Variants in KLHL15 observed in about 807,000 individuals in gnomAD.
KLHL15 encodes the protein kelch like family member 15.
A neutral mutation model predicts 29.3 loss-of-function variants in KLHL15; 1 was observed. The ratio of observed to expected loss-of-function variants is 0.03; its 90% CI spans 0.01 to 0.16. The LOEUF is 0.16. Among genes scored for constraint, KLHL15 ranks in the 10% least tolerant of loss-of-function variants. The probability of loss-of-function intolerance (pLI) is 1.00; values close to 1 mark genes in which losing one functional copy is unlikely to be tolerated. For missense variants in KLHL15, 215 were observed against 478.5 expected, an observed-to-expected ratio of 0.45 and a Z score of 5.14; for synonymous variants, 212 against 184.5, an observed-to-expected ratio of 1.15 and a Z score of -1.21.
At chrX:23,999,950 A>G (rs1343819800) in intron 3 of KLHL15, among the ~76,000 whole-genome samples, 1 of 112,195 alleles carries the variant, frequency 8.9e-6, no homozygotes, top group Non-Finnish European at 1.9e-5. Context: ...CCGATGCAGA[A>G]AAAGACATTA....
chrX:24,010,466 T>C (rs1357336725), intron 2 of KLHL15, among the ~76,000 whole-genome samples: 1 of 112,483 alleles, frequency 8.9e-6, no homozygotes, highest in African/African-American at 3.2e-5. Flanking sequence ...AGGCATTCCC[T>C]GCTGGTATAA....
rs1043087831 is a variant in KLHL15 at position 23,984,443 on chromosome X, T to C, written c.*3478A>G. ...AATACAAAAACAAAAATCAAAAATG[T>C]ATAACAGGCAAACAAGAAAACTGGC... On this transcript the variant is annotated 3_prime_UTR_variant, in exon 4 of 4. Transcript: ENST00000328046. 2.7e-5 allele frequency: 3 copies of C among 112,210 alleles called. No homozygotes were observed. The highest frequency in any genetic ancestry group is 5.6e-5 in the Non-Finnish European group (3 of 53,164). The allele number at this position is 112,210 out of a possible 1,213,427, so 9.2% of individuals were successfully genotyped here.
intron 2 of KLHL15, among the ~76,000 whole-genome samples, chrX:24,017,431 A>T (rs1929710353): frequency 9.1e-6 from 1 of 109,694 alleles, no homozygotes; most frequent in Admixed American, 9.9e-5. Context: ...GAGAACCCTC[A>T]GTCTCCCCTC....
In KLHL15 at chrX:23,988,527, G is replaced by A. The variant is rs762860101; in HGVS notation, c.1209C>T (p.Asn403=). ...FYSTERYDIT[N]DKWEFVDPYP... is the part of the protein sequence containing the mutation. ...AAGGATCCACAAATTCCCATTTATC[G>A]TTGGTGATGTCATATCTCTCAGTTG... The change falls in exon 4 of 4, where the codon AAC becomes AAT. Residue 403 remains asparagine (N), a synonymous_variant. Coordinates refer to ENST00000328046, the MANE Select transcript of KLHL15 (RefSeq NM_030624.3). The A allele has an allele frequency of 4.7e-5, 57 of 1,209,760 alleles. No individual in the cohort carries two copies. Among genetic ancestry groups the A allele is most frequent in the Non-Finnish European group, 5.9e-5 (53 of 895,125 alleles).
chrX:24,010,604 T>G (rs1383838241), intron 2 of KLHL15, among the ~76,000 whole-genome samples: 3 of 112,059 alleles, frequency 2.7e-5, no homozygotes, highest in African/African-American at 9.7e-5. Context: ...GTTGCAGCTA[T>G]TTTCTAGAAC....
chrX:24,025,718 C>CG (rs1251692243), intron 1 of KLHL15, among the ~76,000 whole-genome samples: 5 of 15,713 alleles, frequency 3.2e-4, no homozygotes, highest in African/African-American at 7.9e-4. Flanking sequence ...GGTGTGGGAA[C>CG]GGGGGGGAAG....
chrX:23,984,580 G>C lies in KLHL15; in HGVS notation c.*3341C>G, dbSNP rs764621043. 3 of 112,355 alleles carry C rather than the reference G, an allele frequency of 2.7e-5. No homozygotes were observed. The South Asian group carries it at 1.1e-3, about 41-fold the overall frequency. The allele number at this position is 112,355 out of a possible 1,213,427, so 9.3% of individuals were successfully genotyped here. On this transcript the variant is annotated 3_prime_UTR_variant, in exon 4 of 4. Coordinates refer to ENST00000328046, the MANE Select transcript of KLHL15 (RefSeq NM_030624.3). ...AAATTATGAATTCTCAAAAGAGCTA[G>C]TCTCCTCTGAGAGATAGCTTATAAA...
intron 3 of KLHL15, among the ~76,000 whole-genome samples, chrX:24,004,789 C>CAAA (rs11288965): frequency 2.8e-4 from 18 of 65,212 alleles, no homozygotes; most frequent in African/African-American, 9.1e-4. Context: ...GACTCTGTCT[C>CAAA]AAAAAAAAAA....
chrX:24,021,243 C>T (rs1280947899), intron 2 of KLHL15, among the ~76,000 whole-genome samples: 1 of 111,204 alleles, frequency 9.0e-6, no homozygotes, highest in East Asian at 2.8e-4. Context: ...TCCCTTGGTG[C>T]CGCTGTTCCT....
chrX:24,018,037 C>T (rs965651282), intron 2 of KLHL15, among the ~76,000 whole-genome samples: 1 of 110,853 alleles, frequency 9.0e-6, no homozygotes, highest in Non-Finnish European at 1.9e-5. Flanking sequence ...GTGAGGATGT[C>T]GAGGCTGCAG....
chrX:23,995,732 C>T (rs1283514551), intron 3 of KLHL15, among the ~76,000 whole-genome samples: 1 of 104,353 alleles, frequency 9.6e-6, no homozygotes, highest in Admixed American at 1.0e-4. Context: ...GCCTAGCCAG[C>T]CAATTTAAGA....
chrX:24,016,370 G>GAAAAAAAAAAA (rs1929685318), intron 2 of KLHL15, among the ~76,000 whole-genome samples: 1 of 78,758 alleles, frequency 1.3e-5, no homozygotes, highest in African/African-American at 6.4e-5. Flanking sequence ...AAAAAAAAAG[G>GAAAAAAAAAAA]GGGGGTATAC....
chrX:23,990,213 G>C (rs182196695), intron 3 of KLHL15, among the ~76,000 whole-genome samples: 1 of 111,555 alleles, frequency 9.0e-6, no homozygotes, highest in Non-Finnish European at 1.9e-5. Context: ...AAAAATAAGC[G>C]TAAGATGTGA....
intron 3 of KLHL15, among the ~76,000 whole-genome samples, chrX:23,993,326 G>A (rs377157242): frequency 1.2e-4 from 13 of 111,302 alleles, no homozygotes; most frequent in African/African-American, 3.6e-4. Context: ...GCCTGAGGTA[G>A]ATCCTGTATT....
At chrX:24,007,185 C>T (rs976618774) in intron 2 of KLHL15, among the ~76,000 whole-genome samples, 3 of 109,776 alleles carry the variant, frequency 2.7e-5, no homozygotes, top group African/African-American at 1.0e-4. Context: ...CAGAGCACGA[C>T]CCTATCTCTT....
intron 3 of KLHL15, among the ~76,000 whole-genome samples, chrX:23,990,844 C>A (rs1193571949): frequency 9.1e-6 from 1 of 110,455 alleles, no homozygotes; most frequent in African/African-American, 3.3e-5. Flanking sequence ...TAATTCCTTG[C>A]CTTAGTCCAA....
intron 2 of KLHL15, among the ~76,000 whole-genome samples, chrX:24,009,913 C>T (rs12687713): frequency 0.088 from 9,014 of 101,891 alleles, 539 homozygotes; most frequent in African/African-American, 0.2. Context: ...TCGCTGGAAC[C>T]TGGGAGACGG....
rs1367663262 is a variant in KLHL15 at position 24,025,078 on chromosome X, T to A, written c.-209-20A>T. On this transcript the variant is annotated intron_variant, in intron 1 of 3. Coordinates refer to ENST00000328046, the MANE Select transcript of KLHL15 (RefSeq NM_030624.3). ...TAAGTCCTGGGAAAGAAGACAGCGC[T>A]GAGTCGAGAAACCAGACAGTCGGGC... The A allele has an allele frequency of 1.0e-5, 3 of 295,381 alleles. No individual in the cohort carries two copies. Among genetic ancestry groups the A allele is most frequent in the African/African-American group, 8.2e-5 (3 of 36,677 alleles). The allele number at this position is 295,381 out of a possible 1,213,427, so 24.3% of individuals were successfully genotyped here.
chrX:24,021,599 T>C (rs1398203872), intron 2 of KLHL15, among the ~76,000 whole-genome samples: 1 of 112,380 alleles, frequency 8.9e-6, no homozygotes, highest in Non-Finnish European at 1.9e-5. Flanking sequence ...GCTTAATAAA[T>C]ATTTGTTGGA....
Sources: gnomAD v4.1 joint callset for allele counts (sites outside exome capture counted in the v4.1 genomes callset) on GRCh38, gnomAD v4.1.1 for gene constraint, MANE v1.5 for transcripts, NCBI Gene and HGNC (gene_info 2026-07-23, HGNC 2026-07-21) for gene names.